ANK3: variants seen among roughly 807,000 people sequenced by gnomAD.
ANK3 encodes the protein ankyrin 3.
Under a neutral mutation model 370.9 loss-of-function variants are expected in ANK3, and 57 were observed. The observed-to-expected ratio is 0.15, with a 90% CI of 0.12 to 0.19. The LOEUF (loss-of-function observed/expected upper bound fraction) is 0.19. Among genes scored for constraint, ANK3 ranks in the 10% least tolerant of loss-of-function variants. The probability of loss-of-function intolerance (pLI) is 1.00; values close to 1 mark genes in which losing one functional copy is unlikely to be tolerated. For synonymous variants in ANK3, 1,929 were observed against 1,946.3 expected, an observed-to-expected ratio of 0.99 and a Z score of 0.23; for missense variants, 4,439 against 5,302.1, an observed-to-expected ratio of 0.84 and a Z score of 5.06.
intron 2 of ANK3, among the ~76,000 whole-genome samples, chr10:60,469,645 ATATATATATGGTGG>A (rs1177253074): frequency 1.9e-4 from 3 of 15,826 alleles, no homozygotes; most frequent in Non-Finnish European, 2.5e-4. Context: ...ATATATATAT[ATATATATATGGTGG>A]TATATATATA....
intron 1 of ANK3, among the ~76,000 whole-genome samples, chr10:60,306,180 T>C (rs2045025887): frequency 1.3e-5 from 2 of 151,958 alleles, no homozygotes; most frequent in Admixed American, 1.3e-4. Context: ...GTGTACCCAA[T>C]TTGTAGTCTT....
At chr10:60,322,450 C>A (rs2048871461) in intron 1 of ANK3, among the ~76,000 whole-genome samples, 1 of 151,166 alleles carries the variant, frequency 6.6e-6, no homozygotes, top group Non-Finnish European at 1.5e-5. Flanking sequence ...TATAGTTAAA[C>A]AGTAGTGGTA....
At chr10:60,139,273 T>C (rs2094470078) in intron 23 of ANK3, 186 bp from the exon 24 acceptor site, 1 of 575,514 alleles carries the variant, frequency 1.7e-6, no homozygotes, top group Non-Finnish European at 2.9e-6. Context: ...TAGTACACAA[T>C]TTCAAGAGTG....
intron 28 of ANK3, among the ~76,000 whole-genome samples, chr10:60,099,348 TG>T (rs1168234222): frequency 6.6e-6 from 1 of 152,252 alleles, no homozygotes; most frequent in African/African-American, 2.4e-5. Flanking sequence ...TTATATGCAG[TG>T]GGCATAATGG....
intron 18 of ANK3, among the ~76,000 whole-genome samples, chr10:60,174,131 C>T (rs368505468): frequency 9.2e-5 from 14 of 152,250 alleles, no homozygotes; most frequent in African/African-American, 3.4e-4. Context: ...GCACTAGAGT[C>T]TTTATGGTGA....
intron 2 of ANK3, among the ~76,000 whole-genome samples, chr10:60,497,274 T>G (rs955482269): frequency 6.6e-6 from 1 of 151,992 alleles, no homozygotes; most frequent in African/African-American, 2.4e-5. Flanking sequence ...GGTGACAGAG[T>G]GAGACCCTGT....
intron 1 of ANK3, among the ~76,000 whole-genome samples, chr10:60,651,330 C>T (rs2078786863): frequency 6.6e-6 from 1 of 152,170 alleles, no homozygotes; most frequent in Non-Finnish European, 1.5e-5. Flanking sequence ...CAGCTTTTGA[C>T]ATAGGGAGCC....
chr10:60,395,922 C>T (rs1252996067), intron 2 of ANK3, among the ~76,000 whole-genome samples: 1 of 152,108 alleles, frequency 6.6e-6, no homozygotes, highest in African/African-American at 2.4e-5. Context: ...CAGCACTCAG[C>T]ACAATGCTTT....
intron 36 of ANK3, 60 bp from the exon 37 acceptor site, chr10:60,076,508 CAG>C (rs1328973555): frequency 7.3e-6 from 11 of 1,497,316 alleles, no homozygotes; most frequent in Admixed American, 2.5e-5. Context: ...GGTTGAGAAA[CAG>C]AGAGACCAGA....
chr10:60,638,826 T>C (rs1307715230), intron 1 of ANK3, among the ~76,000 whole-genome samples: 1 of 152,004 alleles, frequency 6.6e-6, no homozygotes, highest in African/African-American at 2.4e-5. Flanking sequence ...GAAATACACA[T>C]TATCCTAAAT....
At chr10:60,316,804 G>A (rs530234950) in intron 1 of ANK3, among the ~76,000 whole-genome samples, 1 of 152,100 alleles carries the variant, frequency 6.6e-6, no homozygotes, top group East Asian at 1.9e-4. Flanking sequence ...CTGGAGTGCA[G>A]TGGCACGATC....
chr10:60,033,536 A>AAAAAAAAAAAAC (rs1554812951), intron 43 of ANK3, among the ~76,000 whole-genome samples: 15 of 98,382 alleles, frequency 1.5e-4, no homozygotes, highest in Non-Finnish European at 2.6e-4. Flanking sequence ...AAAAAAAAAA[A>AAAAAAAAAAAAC]AAACTTGGAA....
chr10:60,701,298 A>G (rs2079542992), intron 1 of ANK3, among the ~76,000 whole-genome samples: 1 of 152,152 alleles, frequency 6.6e-6, no homozygotes, highest in African/African-American at 2.4e-5. Context: ...AGAATATAAA[A>G]CAGTACAGTC....
At chr10:60,370,155 A>C (rs756491004) in intron 1 of ANK3, among the ~76,000 whole-genome samples, 26 of 152,184 alleles carry the variant, frequency 1.7e-4, no homozygotes, top group Non-Finnish European at 3.5e-4. Flanking sequence ...AACCTAGTCC[A>C]TGTTGTTTAG....
intron 1 of ANK3, among the ~76,000 whole-genome samples, chr10:60,327,811 T>C (rs1370037237): frequency 6.6e-6 from 1 of 152,210 alleles, no homozygotes; most frequent in African/African-American, 2.4e-5. Flanking sequence ...CTAGGGCCAC[T>C]CATTGGACTT....
chr10:60,676,170 T>C (rs924053240), intron 1 of ANK3, among the ~76,000 whole-genome samples: 1 of 152,150 alleles, frequency 6.6e-6, no homozygotes, highest in Non-Finnish European at 1.5e-5. Context: ...CAAAGCAAAA[T>C]AGTTGATGTT....
intron 1 of ANK3, among the ~76,000 whole-genome samples, chr10:60,367,039 C>G (rs1358839887): frequency 6.6e-6 from 1 of 152,172 alleles, no homozygotes; most frequent in Non-Finnish European, 1.5e-5. Context: ...TTCCCAACAT[C>G]GTTCTAAAGA....
intron 1 of ANK3, among the ~76,000 whole-genome samples, chr10:60,303,070 C>G (rs2044183915): frequency 6.6e-6 from 1 of 152,156 alleles, no homozygotes; most frequent in Non-Finnish European, 1.5e-5. Context: ...AAATGGATTA[C>G]AGGCTTAAAT....
chr10:60,245,405 C>A (rs1220204875), intron 7 of ANK3, among the ~76,000 whole-genome samples: 2 of 151,898 alleles, frequency 1.3e-5, no homozygotes, highest in Non-Finnish European at 2.9e-5. Context: ...TTTTTTTATT[C>A]CATTCATAAG....
Sources: allele counts gnomAD v4.1 joint callset (sites outside exome capture counted in the v4.1 genomes callset), GRCh38; gene constraint gnomAD v4.1.1; transcripts MANE v1.5; gene names NCBI Gene and HGNC (gene_info 2026-07-23, HGNC 2026-07-21).